DLGAP1: variants seen among roughly 807,000 people sequenced by gnomAD.
The protein encoded by DLGAP1 is disks large-associated protein 1.
Under a neutral mutation model 90.8 loss-of-function variants are expected in DLGAP1, and 11 were observed. That is an observed-to-expected ratio of 0.12 (90% CI 0.08 to 0.20). The LOEUF (loss-of-function observed/expected upper bound fraction) is 0.20. Ranked by LOEUF, DLGAP1 falls within the 10% of genes least tolerant of loss-of-function variation. The pLI is 1.00. For synonymous variants in DLGAP1, 558 were observed against 540.7 expected (o/e 1.03, Z -0.44); for missense variants, 1,050 against 1,333.8 (o/e 0.79, Z 3.31).
intron 12 of DLGAP1, 73 bp downstream of exon 12, chr18:3,502,420 C>T: frequency 1.3e-6 from 2 of 1,598,104 alleles, no homozygotes. Flanking sequence ...GGACTGAATG[C>T]AGAAGCCTAT....
chr18:3,693,255 A>T (rs1042114203), intron 7 of DLGAP1, among the ~76,000 whole-genome samples: 11 of 146,930 alleles, frequency 7.5e-5, no homozygotes, highest in South Asian at 4.3e-4. Context: ...ACTTATTTAA[A>T]TTTTTTTTTT....
intron 2 of DLGAP1, among the ~76,000 whole-genome samples, chr18:4,133,607 C>T (rs1369713389): frequency 6.6e-6 from 1 of 152,150 alleles, no homozygotes; most frequent in Non-Finnish European, 1.5e-5. Flanking sequence ...CACTTTTCTA[C>T]TTAGTTGCTT....
At chr18:4,276,697 G>A (rs775558880) in intron 1 of DLGAP1, among the ~76,000 whole-genome samples, 1 of 151,234 alleles carries the variant, frequency 6.6e-6, no homozygotes, top group Non-Finnish European at 1.5e-5. Context: ...AAAGTAAAAT[G>A]TCTTACAGTA....
At chr18:4,300,218 T>G (rs778000998) in intron 1 of DLGAP1, among the ~76,000 whole-genome samples, 8 of 152,326 alleles carry the variant, frequency 5.3e-5, no homozygotes, top group African/African-American at 7.2e-5. Context: ...TTTACCTTAT[T>G]TAATGCCATA....
At chr18:4,245,912 G>C (rs546502283) in intron 1 of DLGAP1, among the ~76,000 whole-genome samples, 1 of 152,192 alleles carries the variant, frequency 6.6e-6, no homozygotes, top group Non-Finnish European at 1.5e-5. Context: ...TGTTTTGCCT[G>C]TGCAAGTCTC....
Position 3,844,135 on chromosome 18 carries a change from G to A in DLGAP1, c.958-29862C>T, listed in dbSNP as rs147367662. Among the ~76,000 whole-genome samples the A allele has an allele frequency of 1.0e-3, 157 of 152,314 alleles. 1 individual carries two copies. Among genetic ancestry groups the A allele is most frequent in the Middle Eastern group, 3.4e-3 (1 of 294 alleles). On this transcript the variant is annotated intron_variant, in intron 4 of 12. Coordinates refer to ENST00000315677, the MANE Select transcript of DLGAP1 (RefSeq NM_004746.4). ...GTGCATAAAAACAGAATACAAAGAT[G>A]AGACAGTAGGAATAGGAGGAACATT...
intron 1 of DLGAP1, among the ~76,000 whole-genome samples, chr18:4,373,613 A>G (rs1232948861): frequency 6.6e-6 from 1 of 152,152 alleles, no homozygotes; most frequent in African/African-American, 2.4e-5. Context: ...CAATCTGGTG[A>G]TCCCTTCCTC....
chr18:3,788,320 T>A (rs531281774), intron 5 of DLGAP1, among the ~76,000 whole-genome samples: 1 of 152,158 alleles, frequency 6.6e-6, no homozygotes, highest in Non-Finnish European at 1.5e-5. Context: ...AAGATGAAGA[T>A]AGGTGACTCC....
chr18:3,543,935 A>G (rs1241434787), intron 9 of DLGAP1, among the ~76,000 whole-genome samples: 2 of 152,234 alleles, frequency 1.3e-5, no homozygotes, highest in Admixed American at 1.3e-4. Flanking sequence ...TCACCTAAGT[A>G]CTGTTCAATG....
At chr18:4,068,260 T>C (rs2075398603) in intron 2 of DLGAP1, among the ~76,000 whole-genome samples, 1 of 152,056 alleles carries the variant, frequency 6.6e-6, no homozygotes, top group Non-Finnish European at 1.5e-5. Context: ...AGGCTTGTAA[T>C]AGTGACTTAC....
intron 5 of DLGAP1, among the ~76,000 whole-genome samples, chr18:3,757,228 C>A (rs1312357874): frequency 6.6e-6 from 1 of 151,704 alleles, no homozygotes; most frequent in South Asian, 2.1e-4. Context: ...GCCAAAATGG[C>A]GAAACCCCAT....
At chr18:3,799,660 A>G (rs966482006) in intron 5 of DLGAP1, among the ~76,000 whole-genome samples, 1 of 152,128 alleles carries the variant, frequency 6.6e-6, no homozygotes, top group Non-Finnish European at 1.5e-5. Flanking sequence ...TCAGCTACTT[A>G]AAGTGTAGGT....
intron 5 of DLGAP1, among the ~76,000 whole-genome samples, chr18:3,784,718 G>A (rs1041031176): frequency 2.0e-5 from 3 of 152,188 alleles, no homozygotes; most frequent in Non-Finnish European, 4.4e-5. Flanking sequence ...TGCAATGAGC[G>A]AGAGCCTTGG....
chr18:4,135,068 C>A (rs536390425), intron 2 of DLGAP1, among the ~76,000 whole-genome samples: 3 of 152,074 alleles, frequency 2.0e-5, no homozygotes, highest in South Asian at 4.1e-4. Context: ...GTTTGATCTC[C>A]AAACTCTCTC....
chr18:3,620,650 T>A (rs1228571593), intron 7 of DLGAP1, among the ~76,000 whole-genome samples: 1 of 152,132 alleles, frequency 6.6e-6, no homozygotes, highest in East Asian at 1.9e-4. Context: ...CTCTGCCTCC[T>A]GGGTTCAAGT....
chr18:3,529,695 G>A (rs952536602), intron 10 of DLGAP1, among the ~76,000 whole-genome samples: 2 of 152,152 alleles, frequency 1.3e-5, no homozygotes. Context: ...AATAATGTGG[G>A]AAGTACCTGA....
intron 5 of DLGAP1, among the ~76,000 whole-genome samples, chr18:3,788,848 C>G (rs745724631): frequency 7.9e-5 from 12 of 152,186 alleles, no homozygotes; most frequent in Non-Finnish European, 1.5e-4. Flanking sequence ...ATTATTGTTA[C>G]AGCCACCTAA....
At chr18:4,363,279 G>C (rs190276889) in intron 1 of DLGAP1, among the ~76,000 whole-genome samples, 1 of 152,124 alleles carries the variant, frequency 6.6e-6, no homozygotes, top group East Asian at 1.9e-4. Flanking sequence ...GTGAGTGCTC[G>C]CACATACACA....
At chr18:4,408,584 A>G (rs2082712734) in intron 1 of DLGAP1, among the ~76,000 whole-genome samples, 1 of 152,122 alleles carries the variant, frequency 6.6e-6, no homozygotes, top group Non-Finnish European at 1.5e-5. Context: ...GGCATTTGGG[A>G]CAGCAAAAGG....
Sources: allele counts gnomAD v4.1 joint callset (sites outside exome capture counted in the v4.1 genomes callset), GRCh38; gene constraint gnomAD v4.1.1; transcripts MANE v1.5; gene names NCBI Gene and HGNC (gene_info 2026-07-23, HGNC 2026-07-21).